MAMLD1: variants seen among roughly 807,000 people sequenced by gnomAD.
MAMLD1 encodes the protein mastermind-like domain-containing protein 1.
MAMLD1 carries 14 observed loss-of-function variants against 45.0 expected under a neutral mutation model. The observed-to-expected ratio is 0.31, with a 90% confidence interval of 0.21 to 0.49. The LOEUF (loss-of-function observed/expected upper bound fraction) is 0.49. Ranked by LOEUF, MAMLD1 falls within the 20% of genes least tolerant of loss-of-function variation. The probability of loss-of-function intolerance (pLI) is 0.99; values close to 1 mark genes in which losing one functional copy is unlikely to be tolerated. For synonymous variants in MAMLD1, 254 were observed against 247.8 expected (o/e 1.02, Z -0.24); for missense variants, 543 against 603.6 (o/e 0.90, Z 1.05).
intron 1 of MAMLD1, among the ~76,000 whole-genome samples, chrX:150,412,065 T>C (rs1300178971): frequency 8.9e-6 from 1 of 112,163 alleles, no homozygotes; most frequent in Non-Finnish European, 1.9e-5. Context: ...CAGATTTTCA[T>C]AGAAGGAAAC....
chrX:150,504,930 G>A, intron 6 of MAMLD1: 1 of 753,777 alleles, frequency 1.3e-6, no homozygotes, highest in South Asian at 6.8e-5. Flanking sequence ...GAGGATGCAG[G>A]CACCACAGGG....
chrX:150,512,441 A>T lies in MAMLD1; in HGVS notation c.*482A>T. On this transcript the variant is annotated 3_prime_UTR_variant, in exon 8 of 8. Coordinates refer to ENST00000370401, the MANE Select transcript of MAMLD1 (RefSeq NM_005491.5). ...ATGGGTCACAGCGGCAGCAGCTGTG[A>T]CCACAGCAGTTTCGGGGAAAACACC... 8.7e-7 allele frequency: 1 copy of T among 1,155,412 alleles called. No homozygotes were observed. Among genetic ancestry groups the T allele is most frequent in the South Asian group, 1.9e-5 (1 of 52,685 alleles).
intron 1 of MAMLD1, among the ~76,000 whole-genome samples, chrX:150,376,616 G>A (rs1416245780): frequency 9.0e-6 from 1 of 111,112 alleles, no homozygotes; most frequent in Non-Finnish European, 1.9e-5. Flanking sequence ...ATAGGGCTGA[G>A]TGATTCTGAT....
chrX:150,499,932 G>A (rs1265223075), intron 5 of MAMLD1, among the ~76,000 whole-genome samples: 2 of 111,834 alleles, frequency 1.8e-5, no homozygotes, highest in Non-Finnish European at 3.8e-5. Context: ...TTTATCATTG[G>A]TGTTTATCCC....
intron 5 of MAMLD1, 82 bp downstream of exon 5, chrX:150,473,884 G>A (rs782074115): frequency 2.1e-5 from 21 of 1,013,072 alleles, no homozygotes; most frequent in Non-Finnish European, 2.6e-5. Flanking sequence ...GGATCAGCTG[G>A]CTCAGAGGGA....
upstream of MAMLD1, chrX:150,361,690 A>G (rs1557400463): frequency 2.7e-5 from 3 of 112,786 alleles, no homozygotes; most frequent in Non-Finnish European, 3.8e-5. Context: ...CATCGGCTGG[A>G]GAAGTCCAGG....
intron 1 of MAMLD1, among the ~76,000 whole-genome samples, chrX:150,390,587 C>T (rs1603229509): frequency 8.9e-6 from 1 of 112,110 alleles, no homozygotes; most frequent in African/African-American, 3.2e-5. Context: ...CCATTTAGGT[C>T]CTTCTACCCT....
rs782257800 is a variant in MAMLD1, at chrX:150,473,663, G to A, written c.1918-17G>A. ...TGGTCTGCAGTTCAGGAGCACTTTGGTTTGATTTTATTATAGGGCTGTTGC... is the reference window on the plus strand; with the variant it reads ...TGGTCTGCAGTTCAGGAGCACTTTGATTTGATTTTATTATAGGGCTGTTGC... On this transcript the variant is annotated splice_polypyrimidine_tract_variant and intron_variant, in intron 4 of 7. Transcript: ENST00000370401. 18 of 1,209,077 alleles carry A rather than the reference G, an allele frequency of 1.5e-5. No homozygotes were observed. Among genetic ancestry groups the A allele is most frequent in the Admixed American group, 1.3e-4 (6 of 45,841 alleles).
intron 1 of MAMLD1, among the ~76,000 whole-genome samples, chrX:150,429,640 T>C (rs906194761): frequency 2.2e-4 from 25 of 111,742 alleles, no homozygotes; most frequent in African/African-American, 7.8e-4. Context: ...TTCTAAAATA[T>C]AAATTTTTAT....
At position 150,382,887 on chromosome X, in the gene MAMLD1, TTTTTTTTTTTTTTA is replaced by T. The variant is rs2032702851; in HGVS notation, c.-64+19364_-64+19377del. Among the ~76,000 whole-genome samples, 10 of 18,802 alleles carry T rather than the reference TTTTTTTTTTTTTTA, an allele frequency of 5.3e-4. 4 individuals are homozygous for T. Among genetic ancestry groups the T allele is most frequent in the Admixed American group, 7.9e-4 (2 of 2,547 alleles). The allele number at this position is 18,802 out of a possible 115,157, so 16.3% of individuals were successfully genotyped here. A position where few individuals can be genotyped will look rare whatever the true frequency, so the allele number is the denominator to read the frequency against. Reference sequence around the variant, plus strand: ...AATATTTTGTCCCATTTTATTTTATTTTTTTTTTTTTTTATTTTTTATTTTTTTTTTTTTTGAGA... The same window carrying T: ...AATATTTTGTCCCATTTTATTTTATTTTTTTTATTTTTTTTTTTTTTGAGA... On this transcript the variant is annotated intron_variant, in intron 1 of 7. Coordinates refer to ENST00000370401, the MANE Select transcript of MAMLD1 (RefSeq NM_005491.5).
At chrX:150,411,374 C>T (rs1263985921) in intron 1 of MAMLD1, among the ~76,000 whole-genome samples, 2 of 112,095 alleles carry the variant, frequency 1.8e-5, no homozygotes, top group Non-Finnish European at 3.8e-5. Context: ...AGCCCCTGTC[C>T]CCCACAAGTT....
At chrX:150,469,661 G>GTA (rs2036349111) in intron 3 of MAMLD1, 84 bp from the exon 4 acceptor site, 2 of 605,831 alleles carry the variant, frequency 3.3e-6, no homozygotes. Context: ...CTCTCTGTGT[G>GTA]TGTGTGTGTG....
At chrX:150,401,762 T>C (rs1311963645) in intron 1 of MAMLD1, among the ~76,000 whole-genome samples, 1 of 111,293 alleles carries the variant, frequency 9.0e-6, no homozygotes, top group African/African-American at 3.3e-5. Flanking sequence ...TCAGAAATAA[T>C]GCTGCATATC....
chrX:150,369,754 G>C (rs1240033194), intron 1 of MAMLD1, among the ~76,000 whole-genome samples: 1 of 111,510 alleles, frequency 9.0e-6, no homozygotes, highest in African/African-American at 3.3e-5. Context: ...AGGTTTCAAA[G>C]ACAAAAAGGC....
At chrX:150,405,567 GA>G (rs1184767106) in intron 1 of MAMLD1, among the ~76,000 whole-genome samples, 7 of 111,953 alleles carry the variant, frequency 6.3e-5, no homozygotes, top group African/African-American at 2.3e-4. Flanking sequence ...CTGGATCTGG[GA>G]ACCCATCGCA....
At chrX:150,435,369 G>T (rs1271578884) in intron 1 of MAMLD1, among the ~76,000 whole-genome samples, 1 of 110,817 alleles carries the variant, frequency 9.0e-6, no homozygotes, top group Non-Finnish European at 1.9e-5. Context: ...CAAAAAATTA[G>T]CTGGGCATGG....
chrX:150,450,849 G>A (rs1335815455), intron 2 of MAMLD1, among the ~76,000 whole-genome samples: 2 of 112,630 alleles, frequency 1.8e-5, no homozygotes, highest in Non-Finnish European at 3.8e-5. Context: ...TGGGTCAAGG[G>A]CTGCAGTGTG....
intron 5 of MAMLD1, among the ~76,000 whole-genome samples, chrX:150,485,185 A>ATTGTCCAGG (rs1441691522): frequency 3.6e-5 from 4 of 111,494 alleles, no homozygotes; most frequent in African/African-American, 1.3e-4. Flanking sequence ...GCCCGAGCTC[A>ATTGTCCAGG]TTGTCCAAGC....
At chrX:150,460,627 A>G (rs1557405566) in intron 2 of MAMLD1, among the ~76,000 whole-genome samples, 2 of 111,477 alleles carry the variant, frequency 1.8e-5, no homozygotes, top group African/African-American at 6.5e-5. Context: ...CAGTAAGAAG[A>G]GATATTGCTA....
Sources: gnomAD v4.1 joint callset for allele counts (sites outside exome capture counted in the v4.1 genomes callset) on GRCh38, gnomAD v4.1.1 for gene constraint, MANE v1.5 for transcripts, NCBI Gene and HGNC (gene_info 2026-07-23, HGNC 2026-07-21) for gene names.